Variants in CRIM1 observed in about 807,000 individuals in gnomAD.
CRIM1 encodes cysteine-rich motor neuron 1 protein.
Under a neutral mutation model 116.4 loss-of-function variants are expected in CRIM1, and 32 were observed. The ratio of observed to expected loss-of-function variants is 0.27; its 90% CI spans 0.21 to 0.37. The LOEUF is 0.37. Among genes scored for constraint, CRIM1 ranks in the 10% least tolerant of loss-of-function variants. The pLI, the probability that CRIM1 is intolerant of heterozygous loss-of-function variation, is 1.00. For synonymous variants in CRIM1, 590 were observed against 509.2 expected, an observed-to-expected ratio of 1.16 and a Z score of -2.13; for missense variants, 1,331 against 1,354.8, an observed-to-expected ratio of 0.98 and a Z score of 0.28.
intron 2 of CRIM1, among the ~76,000 whole-genome samples, chr2:36,440,016 C>G (rs1318514710): frequency 6.6e-6 from 1 of 151,874 alleles, no homozygotes; most frequent in South Asian, 2.1e-4. Flanking sequence ...CTTAGGTAGA[C>G]AAGAAATAGA....
In CRIM1 at chr2:36,468,597, T is replaced by G. The variant is rs540696123; in HGVS notation, c.991+3942T>G. ...TCATCAAAATCATCACCTAGAAATA[T>G]GACCTCCAAAGCAGTGTTGTAACAG... On this transcript the variant is annotated intron_variant, in intron 5 of 16. Transcript: ENST00000280527. Among the ~76,000 whole-genome samples the G allele has an allele frequency of 5.3e-5, 8 of 152,338 alleles. No individual in the cohort carries two copies. In the East Asian group the frequency reaches 1.5e-3, roughly 29 times the overall value.
In CRIM1 at chr2:36,501,533, A is replaced by C. The variant is rs1476184281; in HGVS notation, c.1501+2186A>C. On this transcript the variant is annotated intron_variant, in intron 8 of 16. Coordinates refer to ENST00000280527, the MANE Select transcript of CRIM1 (RefSeq NM_016441.3). ...CAGGAGTTCGAAACCAGCCTGGGCAACATGGCAAAACCCCATCTCTACAAA... is the reference window on the plus strand; with the variant it reads ...CAGGAGTTCGAAACCAGCCTGGGCACCATGGCAAAACCCCATCTCTACAAA... 4.6e-5 allele frequency among the ~76,000 whole-genome samples: 7 copies of C among 152,184 alleles called. No homozygotes were observed. The East Asian group carries it at 1.4e-3, about 29-fold the overall frequency.
chr2:36,437,627 A>T (rs76095832), intron 2 of CRIM1, among the ~76,000 whole-genome samples: 1 of 152,188 alleles, frequency 6.6e-6, no homozygotes, highest in African/African-American at 2.4e-5. Flanking sequence ...AAAGCATTTA[A>T]TAAGATTTAA....
chr2:36,488,927 C>T (rs1185398144), intron 7 of CRIM1, among the ~76,000 whole-genome samples: 1 of 152,130 alleles, frequency 6.6e-6, no homozygotes, highest in Non-Finnish European at 1.5e-5. Flanking sequence ...CGGAGCAAAC[C>T]GAGAGTTGAT....
In CRIM1 at chr2:36,384,153, T is replaced by C. The variant is rs144818923; in HGVS notation, c.332-12461T>C. On this transcript the variant is annotated intron_variant, in intron 1 of 16. Coordinates refer to ENST00000280527, the MANE Select transcript of CRIM1 (RefSeq NM_016441.3). ...GCCAAAGTCTTGCCAGAAGTTGAGG[T>C]TGATTGAAGACCTGAAGGTGTGCTG... is the stretch of plus-strand genomic sequence containing the variant. Among the ~76,000 whole-genome samples the C allele has an allele frequency of 5.4e-3, 824 of 152,226 alleles. 2 individuals carry two copies. The highest frequency in any genetic ancestry group is 7.2e-3 in the Non-Finnish European group (489 of 67,990).
chr2:36,484,483 A>G (rs1045703337), intron 7 of CRIM1, among the ~76,000 whole-genome samples: 8 of 152,178 alleles, frequency 5.3e-5, no homozygotes, highest in Admixed American at 3.3e-4. Flanking sequence ...TTTTGGCTAC[A>G]TGACATCTAT....
intron 1 of CRIM1, among the ~76,000 whole-genome samples, chr2:36,380,807 TC>T (rs1670687789): frequency 6.6e-6 from 1 of 152,202 alleles, no homozygotes; most frequent in South Asian, 2.1e-4. Context: ...ATTGGAAGTT[TC>T]TTCAGAAAAG....
chr2:36,478,800 A>G (rs1462318023), intron 6 of CRIM1, among the ~76,000 whole-genome samples: 3 of 151,962 alleles, frequency 2.0e-5, no homozygotes, highest in Non-Finnish European at 4.4e-5. Flanking sequence ...AGAGGGTTTC[A>G]TATGCAGTAT....
In CRIM1 at chr2:36,548,668, TCTA is replaced by T. The variant is rs755406724; in HGVS notation, c.3080_3082del (p.Leu1027del). The T allele has an allele frequency of 4.4e-5, 71 of 1,600,820 alleles. No individual in the cohort carries two copies. The highest frequency in any genetic ancestry group is 7.7e-6 in the Non-Finnish European group (9 of 1,176,320). Reference sequence around the variant, plus strand: ...TCTACAGCATGCAAAAACAGAACCATCTACAGGCAGACAATTTCTACCAAACAG... The same window carrying T: ...TCTACAGCATGCAAAAACAGAACCATCAGGCAGACAATTTCTACCAAACAG... On this transcript the variant is annotated inframe_deletion, in exon 17 of 17. Transcript: ENST00000280527.
intron 1 of CRIM1, among the ~76,000 whole-genome samples, chr2:36,369,851 G>T (rs1017816704): frequency 6.6e-6 from 1 of 152,192 alleles, no homozygotes; most frequent in Non-Finnish European, 1.5e-5. Flanking sequence ...TTCTTTGAAT[G>T]TGTAGTTAAC....
intron 7 of CRIM1, among the ~76,000 whole-genome samples, chr2:36,494,076 A>T (rs1680416074): frequency 6.6e-6 from 1 of 152,226 alleles, no homozygotes; most frequent in South Asian, 2.1e-4. Flanking sequence ...TAGAGAGCTT[A>T]GATTTGTTTG....
Position 36,389,351 on chromosome 2 carries a change from G to A in CRIM1, c.332-7263G>A, listed in dbSNP as rs537227226. Among the ~76,000 whole-genome samples, 73 of 152,190 alleles carry A rather than the reference G, an allele frequency of 4.8e-4. No individual in the cohort carries two copies. The South Asian group carries it at 0.015, about 31-fold the overall frequency. ...CAGCCAGGAGCTGGGGGAGTTAAGA[G>A]CAGCGATTTTACATTACACTGGAGT... On this transcript the variant is annotated intron_variant, in intron 1 of 16. Transcript: ENST00000280527.
At chr2:36,481,177 C>T (rs1209645954) in intron 7 of CRIM1, among the ~76,000 whole-genome samples, 2 of 152,184 alleles carry the variant, frequency 1.3e-5, no homozygotes, top group African/African-American at 2.4e-5. Context: ...AGAGCCTTTC[C>T]TCTGGAAGTA....
chr2:36,393,906 C>A lies in CRIM1; in HGVS notation c.332-2708C>A, dbSNP rs77193617. On this transcript the variant is annotated intron_variant, in intron 1 of 16. Coordinates refer to ENST00000280527, the MANE Select transcript of CRIM1 (RefSeq NM_016441.3). ...ATGCCATGAAGAAGCTGATATTCAGCAGTAAGAAGCTGGGACATTTTCTTA... is the reference window on the plus strand; with the variant it reads ...ATGCCATGAAGAAGCTGATATTCAGAAGTAAGAAGCTGGGACATTTTCTTA... Among the ~76,000 whole-genome samples, 1,082 of 152,274 alleles carry A rather than the reference C, an allele frequency of 7.1e-3. 39 individuals are homozygous for A. In the East Asian group the frequency reaches 0.077, roughly 11 times the overall value.
At chr2:36,443,608 A>G (rs556745764) in intron 4 of CRIM1, among the ~76,000 whole-genome samples, 85 of 152,240 alleles carry the variant, frequency 5.6e-4, no homozygotes, top group South Asian at 1.7e-3. Context: ...TCAATTTCCA[A>G]CCTCTTCTTC....
chr2:36,540,861 T>G (rs1666895685), intron 14 of CRIM1, among the ~76,000 whole-genome samples: 1 of 152,166 alleles, frequency 6.6e-6, no homozygotes, highest in Non-Finnish European at 1.5e-5. Context: ...AGAGGTCAAT[T>G]CATTCTCCTT....
At chr2:36,376,185 G>A (rs977862057) in intron 1 of CRIM1, among the ~76,000 whole-genome samples, 1 of 152,206 alleles carries the variant, frequency 6.6e-6, no homozygotes, top group African/African-American at 2.4e-5. Context: ...TGTTTCCAGT[G>A]TTATATAGTT....
chr2:36,440,230 A>G (rs1675694520), intron 2 of CRIM1, among the ~76,000 whole-genome samples: 1 of 152,188 alleles, frequency 6.6e-6, no homozygotes, highest in Non-Finnish European at 1.5e-5. Context: ...ACAAAATGAG[A>G]AAACTAAACT....
At chr2:36,364,620 T>C (rs1165672930) in intron 1 of CRIM1, among the ~76,000 whole-genome samples, 1 of 152,220 alleles carries the variant, frequency 6.6e-6, no homozygotes, top group Non-Finnish European at 1.5e-5. Flanking sequence ...GCAGGATGTT[T>C]TAGGAAAAAG....
Sources: gnomAD v4.1 joint callset for allele counts (sites outside exome capture counted in the v4.1 genomes callset) on GRCh38, gnomAD v4.1.1 for gene constraint, MANE v1.5 for transcripts, NCBI Gene and HGNC (gene_info 2026-07-23, HGNC 2026-07-21) for gene names.